CDH8: variants seen among roughly 807,000 people sequenced by gnomAD.
The protein encoded by CDH8 is cadherin-8.
Under a neutral mutation model 68.1 loss-of-function variants are expected in CDH8, and 17 were observed. The observed-to-expected ratio is 0.25, with a 90% CI of 0.17 to 0.37. The LOEUF is 0.37. CDH8 is among the 10% of genes least tolerant of loss of function. CDH8 has a pLI of 1.00. For synonymous variants in CDH8, 372 were observed against 365.1 expected, an observed-to-expected ratio of 1.02 and a Z score of -0.21; for missense variants, 763 against 999.3, an observed-to-expected ratio of 0.76 and a Z score of 3.19.
At chr16:61,913,939 C>T (rs548551295) in intron 2 of CDH8, among the ~76,000 whole-genome samples, 12 of 152,192 alleles carry the variant, frequency 7.9e-5, no homozygotes, top group Admixed American at 4.6e-4. Context: ...GCCCTAACCC[C>T]CAATAACTCA....
At chr16:61,687,590 A>G (rs1270402572) in intron 10 of CDH8, among the ~76,000 whole-genome samples, 2 of 152,024 alleles carry the variant, frequency 1.3e-5, no homozygotes, top group Admixed American at 1.3e-4. Flanking sequence ...CAACGCCTTC[A>G]GCCCTCACAC....
intron 8 of CDH8, among the ~76,000 whole-genome samples, chr16:61,781,831 C>T (rs1335913987): frequency 6.6e-6 from 1 of 152,180 alleles, no homozygotes; most frequent in Non-Finnish European, 1.5e-5. Context: ...ATGAGGTTAA[C>T]ACTTCTAACA....
At chr16:61,969,065 C>A (rs1367432569) in intron 2 of CDH8, among the ~76,000 whole-genome samples, 1 of 152,168 alleles carries the variant, frequency 6.6e-6, no homozygotes, top group Non-Finnish European at 1.5e-5. Flanking sequence ...GAAATAAAAC[C>A]TTCTCAGTCA....
chr16:61,835,440 T>C (rs1468644660), intron 4 of CDH8, among the ~76,000 whole-genome samples: 1 of 151,940 alleles, frequency 6.6e-6, no homozygotes, highest in Non-Finnish European at 1.5e-5. Flanking sequence ...TCTATATTTT[T>C]ACTCCCAACA....
chr16:61,981,681 T>TGCGCGCGCGCGCGC (rs1555526842), intron 2 of CDH8, among the ~76,000 whole-genome samples: 1 of 141,758 alleles, frequency 7.1e-6, no homozygotes, highest in African/African-American at 2.8e-5. Context: ...TGTGTGTGTG[T>TGCGCGCGCGCGCGC]GCGCGCGCGC....
At chr16:61,808,005 A>G (rs1222978814) in intron 7 of CDH8, among the ~76,000 whole-genome samples, 2 of 152,230 alleles carry the variant, frequency 1.3e-5, no homozygotes, top group African/African-American at 2.4e-5. Context: ...TTAATGCTAC[A>G]AAGTGTAAAT....
At chr16:61,683,328 A>C (rs1395040528) in intron 10 of CDH8, among the ~76,000 whole-genome samples, 2 of 152,046 alleles carry the variant, frequency 1.3e-5, no homozygotes, top group Non-Finnish European at 2.9e-5. Context: ...GCAATATAAC[A>C]TGGTACAAAA....
chr16:61,869,544 G>A (rs967320894), intron 3 of CDH8, among the ~76,000 whole-genome samples: 8 of 152,198 alleles, frequency 5.3e-5, no homozygotes, highest in African/African-American at 1.7e-4. Context: ...GTTCTGTTTT[G>A]TTCCCCAATC....
rs754247444 is a variant in CDH8 at position 61,984,702 on chromosome 16, TA to T, written c.252+36449del. 5.9e-5 allele frequency among the ~76,000 whole-genome samples: 9 copies of T among 152,308 alleles called. No individual in the cohort carries two copies. The East Asian group carries it at 9.6e-4, about 16-fold the overall frequency. ...ACCAAAGTTCTGAAATTTAATGCAGTAAAAATTTTCATTTTAAAGTTTATAT... is the reference window on the plus strand; with the variant it reads ...ACCAAAGTTCTGAAATTTAATGCAGTAAAATTTTCATTTTAAAGTTTATAT... On this transcript the variant is annotated intron_variant, in intron 2 of 11. Coordinates refer to ENST00000577390, the MANE Select transcript of CDH8 (RefSeq NM_001796.5).
At chr16:61,977,290 T>C (rs1210474056) in intron 2 of CDH8, among the ~76,000 whole-genome samples, 1 of 152,106 alleles carries the variant, frequency 6.6e-6, no homozygotes, top group African/African-American at 2.4e-5. Context: ...GAGTAAGTAA[T>C]GCAAGAAAAC....
At position 61,770,483 on chromosome 16, in the gene CDH8, A is replaced by G. The variant is rs535963016; in HGVS notation, c.1414+18863T>C. 3.3e-5 allele frequency among the ~76,000 whole-genome samples: 5 copies of G among 151,990 alleles called. No homozygotes were observed. The South Asian group carries it at 1.0e-3, about 32-fold the overall frequency. On this transcript the variant is annotated intron_variant, in intron 8 of 11. Transcript: ENST00000577390. ...AGGCTTCCTTGTTAGTCTATTACTC[A>G]TTCCTAAAGCACAGTCTCCAGATGG... is the stretch of plus-strand genomic sequence containing the variant.
intron 7 of CDH8, among the ~76,000 whole-genome samples, chr16:61,815,689 T>G (rs962736387): frequency 5.9e-5 from 9 of 152,136 alleles, no homozygotes; most frequent in African/African-American, 2.2e-4. Flanking sequence ...AGTAGAAACC[T>G]TGTCAAATCA....
chr16:61,746,556 A>AACACACACACACACACAC (rs71675273), intron 8 of CDH8, among the ~76,000 whole-genome samples: 24 of 140,206 alleles, frequency 1.7e-4, no homozygotes, highest in African/African-American at 5.8e-4. Flanking sequence ...ATTCCCCCCC[A>AACACACACACACACACAC]ACACACACAC....
At chr16:62,028,375 C>T (rs1902246117) in intron 1 of CDH8, among the ~76,000 whole-genome samples, 2 of 151,884 alleles carry the variant, frequency 1.3e-5, no homozygotes, top group African/African-American at 2.4e-5. Context: ...GCCTCAAATC[C>T]ACTTTTTGCT....
intron 4 of CDH8, among the ~76,000 whole-genome samples, chr16:61,840,455 G>A (rs927292962): frequency 1.3e-5 from 2 of 152,152 alleles, no homozygotes; most frequent in Non-Finnish European, 2.9e-5. Context: ...AATTTTTGTT[G>A]TTGTTTATTG....
intron 10 of CDH8, among the ~76,000 whole-genome samples, chr16:61,670,300 T>TG (rs1433432274): frequency 6.6e-6 from 1 of 152,018 alleles, no homozygotes; most frequent in Non-Finnish European, 1.5e-5. Context: ...AGAGATGTAA[T>TG]GGAGATTTGA....
intron 5 of CDH8, among the ~76,000 whole-genome samples, chr16:61,824,538 G>A (rs1962287271): frequency 6.6e-6 from 1 of 151,872 alleles, no homozygotes; most frequent in Non-Finnish European, 1.5e-5. Context: ...TATGGCTTTA[G>A]CAGGGAAGAG....
At chr16:62,011,892 C>T (rs543419972) in intron 2 of CDH8, among the ~76,000 whole-genome samples, 26 of 152,302 alleles carry the variant, frequency 1.7e-4, no homozygotes, top group Non-Finnish European at 3.1e-4. Context: ...TGAGAAAACA[C>T]GCTCATATCT....
chr16:61,967,036 T>G (rs1965263301), intron 2 of CDH8, among the ~76,000 whole-genome samples: 2 of 151,788 alleles, frequency 1.3e-5, no homozygotes, highest in Admixed American at 1.3e-4. Context: ...AAACCCCCTC[T>G]CTAGAAGAAA....
Sources: gnomAD v4.1 joint callset for allele counts (sites outside exome capture counted in the v4.1 genomes callset) on GRCh38, gnomAD v4.1.1 for gene constraint, MANE v1.5 for transcripts, NCBI Gene and HGNC (gene_info 2026-07-23, HGNC 2026-07-21) for gene names.